The following CEP63 variants were observed in gnomAD, a reference collection of about 807,000 sequenced individuals.
The protein encoded by CEP63 is centrosomal protein of 63 kDa.
A neutral mutation model predicts 89.1 loss-of-function variants in CEP63; 84 were observed. That is an observed-to-expected ratio of 0.94 (90% CI 0.79 to 1.13). CEP63 has a LOEUF of 1.13. Ranked by LOEUF, CEP63 falls within the 50% of genes most tolerant of loss-of-function variation. The pLI is 0.00. For synonymous variants in CEP63, 267 were observed against 272.5 expected (o/e 0.98, Z 0.20); for missense variants, 838 against 813.3 (o/e 1.03, Z -0.37).
At chr3:134,776,507 C>G in the CEP63 span, among the ~76,000 whole-genome samples, 1 of 152,132 alleles carries the variant, frequency 6.6e-6, no homozygotes, top group African/African-American at 2.4e-5. Flanking sequence ...GCACATGGGG[C>G]TAATGGCTGC....
chr3:134,599,830 A>G, the CEP63 span, among the ~76,000 whole-genome samples: 1 of 152,128 alleles, frequency 6.6e-6, no homozygotes, highest in Admixed American at 6.6e-5. Context: ...ATTTTTTTCT[A>G]GGGCTTCCTT....
the CEP63 span, among the ~76,000 whole-genome samples, chr3:134,634,791 A>T: frequency 6.6e-6 from 1 of 152,186 alleles, no homozygotes; most frequent in Admixed American, 6.5e-5. Context: ...TTCTGCAGGG[A>T]CGACTGTGGG....
the CEP63 span, among the ~76,000 whole-genome samples, chr3:134,698,773 A>C: frequency 9.2e-5 from 14 of 152,156 alleles, no homozygotes; most frequent in Non-Finnish European, 2.1e-4. Context: ...CTCCCATGAA[A>C]AGACTTTCTA....
chr3:134,502,356 G>T (rs539881369), intron 2 of CEP63, among the ~76,000 whole-genome samples: 2 of 152,174 alleles, frequency 1.3e-5, no homozygotes, highest in East Asian at 3.9e-4. Flanking sequence ...GTTAGAGATG[G>T]ATCCCTGCTC....
chr3:134,689,184 A>C, the CEP63 span, among the ~76,000 whole-genome samples: 2 of 151,970 alleles, frequency 1.3e-5, no homozygotes, highest in African/African-American at 2.4e-5. Context: ...CATCTAACAC[A>C]GTGCTTTCTC....
At chr3:134,701,789 C>G in the CEP63 span, among the ~76,000 whole-genome samples, 1 of 152,130 alleles carries the variant, frequency 6.6e-6, no homozygotes, top group Non-Finnish European at 1.5e-5. Flanking sequence ...ATCAAACTAT[C>G]TTTGTTTGCA....
the CEP63 span, among the ~76,000 whole-genome samples, chr3:134,730,915 G>C: frequency 2.0e-5 from 3 of 151,824 alleles, no homozygotes; most frequent in Non-Finnish European, 4.4e-5. Context: ...TGAAGTCAAA[G>C]GACATGAAAA....
chr3:134,600,911 G>A, the CEP63 span: 1 of 152,218 alleles, frequency 6.6e-6, no homozygotes, highest in East Asian at 1.9e-4. Flanking sequence ...AAAGCACCTA[G>A]TGATTTTAAC....
chr3:134,746,643 T>C, the CEP63 span, among the ~76,000 whole-genome samples: 6 of 152,232 alleles, frequency 3.9e-5, no homozygotes, highest in Non-Finnish European at 8.8e-5. Context: ...AGGTATCTCA[T>C]TGTGGTTTTG....
chr3:134,759,370 C>A, the CEP63 span, among the ~76,000 whole-genome samples: 1 of 152,186 alleles, frequency 6.6e-6, no homozygotes, highest in African/African-American at 2.4e-5. Context: ...CCTGTCTTAC[C>A]TTTGTCTCTG....
the CEP63 span, among the ~76,000 whole-genome samples, chr3:134,671,220 G>A: frequency 5.9e-5 from 9 of 152,112 alleles, no homozygotes; most frequent in Admixed American, 2.6e-4. Context: ...TATCCTACGC[G>A]ATCTAACTCA....
rs780081729 is a variant in CEP63, at chr3:134,559,446, A to G, written c.1953+17A>G. The G allele has an allele frequency of 1.9e-5, 30 of 1,603,568 alleles. No homozygotes were observed. Among genetic ancestry groups the G allele is most frequent in the Non-Finnish European group, 2.5e-5 (29 of 1,171,882 alleles). On this transcript the variant is annotated intron_variant, in intron 14 of 14. Coordinates refer to ENST00000675561, the MANE Select transcript of CEP63 (RefSeq NM_001353108.3). ...ATATCTTCGGTATGGAAACTTTCTG[A>G]TCTTAGTAATTTGTTAGTTTTTTAA...
the CEP63 span, among the ~76,000 whole-genome samples, chr3:134,632,486 T>G: frequency 6.6e-6 from 1 of 151,930 alleles, no homozygotes; most frequent in Admixed American, 6.6e-5. Flanking sequence ...TATTAAAAAT[T>G]AACATACTTT....
the CEP63 span, among the ~76,000 whole-genome samples, chr3:134,775,771 A>T: frequency 1.2e-4 from 18 of 152,210 alleles, no homozygotes; most frequent in South Asian, 3.7e-3. Flanking sequence ...TGCAGGGGTT[A>T]TTTTGGACCA....
chr3:134,492,222 C>T (rs7627726), intron 1 of CEP63, among the ~76,000 whole-genome samples: 99,559 of 151,186 alleles, frequency 0.66, 33,111 homozygotes, highest in East Asian at 0.81. Context: ...TACAGGCGCG[C>T]GCCACCATGC....
Position 134,547,392 on chromosome 3 carries a change from A to G in CEP63, c.987A>G (p.Leu329=). The G allele has an allele frequency of 6.2e-7, 1 of 1,613,734 alleles. No homozygotes were observed. The highest frequency in any genetic ancestry group is 2.2e-5 in the East Asian group (1 of 44,860). Residue 329 remains leucine, a synonymous_variant, in exon 9 of 15, where the codon TTA becomes TTG. Transcript: ENST00000675561. ...KKYTSQGQGD[L]DSVLSQLNFT... is the part of the protein sequence containing the mutation. ...ACACCTCTCAAGGGCAGGGGGACTTAGACAGTGTGCTCTCCCAGTTGAATT... is the reference window on the plus strand; with the variant it reads ...ACACCTCTCAAGGGCAGGGGGACTTGGACAGTGTGCTCTCCCAGTTGAATT...
chr3:134,550,211 G>C lies in CEP63; in HGVS notation c.1331G>C (p.Arg444Pro), dbSNP rs140451650. Reference sequence around the variant, plus strand: ...GGTTCTTCCTCAGACATGGAAAAGCGACTCAGAGCAGAGATGCAAAAGGCA... The same window carrying C: ...GGTTCTTCCTCAGACATGGAAAAGCCACTCAGAGCAGAGATGCAAAAGGCA... ...TKGSSSDMEK[R>P]LRAEMQKAED... Residue 444 changes from arginine (R) to proline (P), a missense_variant, in exon 11 of 15, where the codon CGA becomes CCA. Transcript: ENST00000675561. 1.2e-6 allele frequency: 2 copies of C among 1,613,986 alleles called. No individual in the cohort carries two copies. Among genetic ancestry groups the C allele is most frequent in the Admixed American group, 3.3e-5 (2 of 60,004 alleles).
At chr3:134,601,262 GA>G in the CEP63 span, 95,420 of 151,708 alleles carry the variant, frequency 0.63, 30,483 homozygotes, top group East Asian at 0.87. Flanking sequence ...AAACGAGAGG[GA>G]GGGGCTTGCT....
the CEP63 span, among the ~76,000 whole-genome samples, chr3:134,681,861 A>T: frequency 6.6e-6 from 1 of 152,236 alleles, no homozygotes; most frequent in East Asian, 1.9e-4. Context: ...TAATATTTGA[A>T]GAAACTGAGG....
Sources: gnomAD v4.1 joint callset for allele counts (sites outside exome capture counted in the v4.1 genomes callset) on GRCh38, gnomAD v4.1.1 for gene constraint, MANE v1.5 for transcripts, NCBI Gene and HGNC (gene_info 2026-07-23, HGNC 2026-07-21) for gene names.